ZNF112: variants seen among roughly 807,000 people sequenced by gnomAD.
ZNF112 encodes zinc finger protein 112, also known as zinc finger protein 112 (Y14).
ZNF112 carries 37 observed loss-of-function variants against 77.7 expected under a neutral mutation model. The observed-to-expected ratio is 0.48, with a 90% CI of 0.37 to 0.63. The LOEUF (loss-of-function observed/expected upper bound fraction) is 0.63. ZNF112 is among the 20% of genes least tolerant of loss of function. ZNF112 has a pLI of 0.00. For missense variants in ZNF112, 950 were observed against 1,077.4 expected (o/e 0.88, Z 1.66); for synonymous variants, 333 against 363.6 (o/e 0.92, Z 0.96).
In ZNF112 at chr19:44,329,912, T is replaced by C; in HGVS notation, c.245A>G (p.Glu82Gly). The C allele has an allele frequency of 6.2e-7, 1 of 1,611,906 alleles. No homozygotes were observed. The highest frequency in any genetic ancestry group is 8.5e-7 in the Non-Finnish European group (1 of 1,178,662). The change falls in exon 4 of 4, where the codon GAG becomes GGG. Residue 82 changes from glutamate to glycine, a missense_variant. This residue lies in a region of ZNF112 where 560 missense variants were observed against 557.3 expected (regional missense o/e 1.00). Transcript: ENST00000354340. The part of the protein sequence containing the change: ...CSGRKNQQKM[E>G]SIQEVTVSYF... ...GCTTACTGTTACTTCCTGAATACTC[T>C]CCATCTTTTGTTGATTCTTCCTTCC...
At chr19:44,341,047 C>G (rs1181204643) in intron 1 of ZNF112, 1 of 435,236 alleles carries the variant, frequency 2.3e-6, no homozygotes, top group African/African-American at 2.0e-5. Flanking sequence ...GCGCTCTGCC[C>G]AATGCTAGCT....
intron 1 of ZNF112, among the ~76,000 whole-genome samples, chr19:44,354,716 G>A (rs543384002): frequency 1.6e-4 from 24 of 152,264 alleles, no homozygotes; most frequent in African/African-American, 5.5e-4. Context: ...GGCACATGGA[G>A]AAAAGTATGA....
At chr19:44,339,134 ATT>A (rs1334448484) in intron 2 of ZNF112, among the ~76,000 whole-genome samples, 1 of 152,210 alleles carries the variant, frequency 6.6e-6, no homozygotes, top group Non-Finnish European at 1.5e-5. Context: ...AGATAAAAAC[ATT>A]ATATCTGTCC....
At chr19:44,358,901 T>A (rs1447267335), upstream of ZNF112, among the ~76,000 whole-genome samples, 1 of 152,180 alleles carries the variant, frequency 6.6e-6, no homozygotes, top group Non-Finnish European at 1.5e-5. Context: ...TGGGCAATTA[T>A]TAGCAGAAGC....
At position 44,328,848 on chromosome 19, in the gene ZNF112, A is replaced by C; in HGVS notation, c.1309T>G (p.Tyr437Asp). ...CCATTACCACACTCCTCAGAATTAT[A>C]TGAATTCTCTTCCATATGAACCCTA... The part of the protein sequence containing the change: ...QHRVHMEENS[Y>D]NSEECGNGFS... Residue 437 changes from tyrosine (Y) to aspartate (D), a missense_variant, in exon 4 of 4, where the codon TAT (tyrosine) becomes GAT (aspartate). This residue lies in a region of ZNF112 where 560 missense variants were observed against 557.3 expected (regional missense o/e 1.00). Coordinates refer to ENST00000354340, the MANE Select transcript of ZNF112 (RefSeq NM_013380.4). The C allele has an allele frequency of 1.2e-6, 2 of 1,614,032 alleles. No individual in the cohort carries two copies. The highest frequency in any genetic ancestry group is 1.7e-6 in the Non-Finnish European group (2 of 1,179,944).
At chr19:44,347,485 ATTTTT>A (rs757226424) in intron 1 of ZNF112, among the ~76,000 whole-genome samples, 150 of 40,320 alleles carry the variant, frequency 3.7e-3, no homozygotes, top group African/African-American at 0.01. Flanking sequence ...TTTTGGGTTG[ATTTTT>A]TTTTTTTTTT....
chr19:44,360,805 G>A (rs1970848382), upstream of ZNF112, among the ~76,000 whole-genome samples: 1 of 152,078 alleles, frequency 6.6e-6, no homozygotes, highest in African/African-American at 2.4e-5. Flanking sequence ...TAAGGCTGGT[G>A]GATTGTAGAG....
rs1970201333 is a variant in ZNF112, at chr19:44,328,934, A to G, written c.1223T>C (p.Leu408Pro). The G allele has an allele frequency of 1.9e-6, 3 of 1,613,962 alleles. No homozygotes were observed. The highest frequency in any genetic ancestry group is 2.5e-6 in the Non-Finnish European group (3 of 1,179,980). ...CTTTCCATACTCTATATCTGTGTAT[A>G]GTTTCTCTTCAGTGTGGATTTTTTG... is the stretch of plus-strand genomic sequence containing the variant. Reference protein sequence around the residue: ...VHQKIHTEEKLYTDIEYGKSF... With the variant: ...VHQKIHTEEKPYTDIEYGKSF... Residue 408 changes from leucine (L) to proline (P), a missense_variant, in exon 4 of 4, where the codon CTA becomes CCA. By Grantham distance (98) the Leu-to-Pro change is moderately conservative (BLOSUM62 -3). Transcript: ENST00000354340.
chr19:44,334,586 T>C (rs1287302289), intron 3 of ZNF112, among the ~76,000 whole-genome samples: 3 of 152,194 alleles, frequency 2.0e-5, no homozygotes, highest in Non-Finnish European at 4.4e-5. Context: ...GGAAAAATAG[T>C]TCTGTGGCTC....
rs779348742 is a variant in ZNF112 at position 44,328,679 on chromosome 19, C to T, written c.1478G>A (p.Arg493His). The change falls in exon 4 of 4, where the codon CGT (arginine) becomes CAT (histidine). Residue 493 changes from arginine to histidine, a missense_variant. Coordinates refer to ENST00000354340, the MANE Select transcript of ZNF112 (RefSeq NM_013380.4). ...HPKIHIGEKPRKEHGNGFNWS... is the reference protein window; with the variant it reads ...HPKIHIGEKPHKEHGNGFNWS... ...GTTGAAGCCATTCCCATGCTCCTTA[C>T]GTGGTTTCTCTCCAATGTGAATTTT... 14 of 1,613,998 alleles carry T rather than the reference C, an allele frequency of 8.7e-6. No homozygotes were observed. Among genetic ancestry groups the T allele is most frequent in the Admixed American group, 5.0e-5 (3 of 59,998 alleles).
At chr19:44,365,017 C>CT (rs1306102025) in intron 1 of ZNF112, among the ~76,000 whole-genome samples, 2 of 152,088 alleles carry the variant, frequency 1.3e-5, no homozygotes, top group Admixed American at 6.6e-5. Flanking sequence ...TGGGTGTTCC[C>CT]TTCCCTTTTC....
Position 44,329,319 on chromosome 19 carries a change from AG to A in ZNF112, c.837del (p.Tyr280IlefsTer33). On this transcript the variant is annotated frameshift_variant, in exon 4 of 4. Coordinates refer to ENST00000354340, the MANE Select transcript of ZNF112 (RefSeq NM_013380.4). LOFTEE classifies it high-confidence loss of function. ...VHQQFHLEGK[P>X]YTYSSCGKGC... ...CCCTTTCCACATGAACTGTATGTAT[AG>A]GGCTTCCCTTCCAAGTGGAACTGCT... 6.2e-7 allele frequency: 1 copy of A among 1,613,790 alleles called. No individual in the cohort carries two copies. The highest frequency in any genetic ancestry group is 8.5e-7 in the Non-Finnish European group (1 of 1,179,790).
At chr19:44,356,851 G>A (rs1970796245), upstream of ZNF112, among the ~76,000 whole-genome samples, 1 of 152,200 alleles carries the variant, frequency 6.6e-6, no homozygotes, top group African/African-American at 2.4e-5. Flanking sequence ...CGCAAGTACC[G>A]GGTGCCAAGC....
At chr19:44,339,187 A>T (rs1175469623) in intron 2 of ZNF112, among the ~76,000 whole-genome samples, 2 of 152,196 alleles carry the variant, frequency 1.3e-5, no homozygotes, top group East Asian at 3.8e-4. Context: ...TATAAAACAG[A>T]CTGTGCAGTA....
At position 44,329,169 on chromosome 19, in the gene ZNF112, A is replaced by G; in HGVS notation, c.988T>C (p.Tyr330His). ...TEEKPCKCGE[Y>H]GENFNHCSPL... is the part of the protein sequence containing the mutation. Reference sequence around the variant, plus strand: ...GAACAGTGATTGAAGTTCTCACCATATTCACCACATTTGCATGGTTTCTCC... The same window carrying G: ...GAACAGTGATTGAAGTTCTCACCATGTTCACCACATTTGCATGGTTTCTCC... The change falls in exon 4 of 4, where the codon TAT (tyrosine) becomes CAT (histidine). Residue 330 changes from tyrosine (Y) to histidine (H), a missense_variant. Physicochemically the swap from Tyr to His is moderately conservative, Grantham distance 83. Coordinates refer to ENST00000354340, the MANE Select transcript of ZNF112 (RefSeq NM_013380.4). 1 of 1,613,896 alleles carries G rather than the reference A, an allele frequency of 6.2e-7. No individual in the cohort carries two copies. Among genetic ancestry groups the G allele is most frequent in the South Asian group, 1.1e-5 (1 of 91,074 alleles).
chr19:44,331,098 G>C (rs910208688), intron 3 of ZNF112, among the ~76,000 whole-genome samples: 1 of 152,198 alleles, frequency 6.6e-6, no homozygotes, highest in Non-Finnish European at 1.5e-5. Context: ...AGAGGGCTTA[G>C]AGAATAATAA....
At chr19:44,352,725 TA>T (rs1970715226) in intron 1 of ZNF112, among the ~76,000 whole-genome samples, 1 of 152,080 alleles carries the variant, frequency 6.6e-6, no homozygotes, top group Non-Finnish European at 1.5e-5. Context: ...ACCAAAATTT[TA>T]AAACAATATG....
Position 44,329,659 on chromosome 19 carries a change from T to C in ZNF112, c.498A>G (p.Gln166=), listed in dbSNP as rs1272135677. Residue 166 remains glutamine (Q), a synonymous_variant, in exon 4 of 4, where the codon CAA becomes CAG. Coordinates refer to ENST00000354340, the MANE Select transcript of ZNF112 (RefSeq NM_013380.4). ...IGNGSNYIKS[Q]GYPSWRAHHS... ...GATGTGCCCTCCAAGATGGATACCC[T>C]TGACTTTTTATATAATTGGAGCCAT... The C allele has an allele frequency of 1.2e-6, 2 of 1,614,174 alleles. No homozygotes were observed. The highest frequency in any genetic ancestry group is 2.2e-5 in the East Asian group (1 of 44,882).
At chr19:44,331,874 C>T (rs181562587) in intron 3 of ZNF112, among the ~76,000 whole-genome samples, 14 of 152,180 alleles carry the variant, frequency 9.2e-5, no homozygotes, top group African/African-American at 2.2e-4. Flanking sequence ...AGACGTAGGG[C>T]GACAATTCAG....
Sources: gnomAD v4.1 joint callset for allele counts (sites outside exome capture counted in the v4.1 genomes callset) on GRCh38, gnomAD v4.1.1 for gene constraint, gnomAD v4.1.1 regional missense constraint, MANE v1.5 for transcripts, NCBI Gene and HGNC (gene_info 2026-07-23, HGNC 2026-07-21) for gene names.